BABAM2: variants seen among roughly 807,000 people sequenced by gnomAD.
The protein encoded by BABAM2 is BRISC and BRCA1-A complex member 2.
A neutral mutation model predicts 54.7 loss-of-function variants in BABAM2; 31 were observed. That is an observed-to-expected ratio of 0.57 (90% CI 0.43 to 0.77). BABAM2 has a LOEUF of 0.77. Ranked by LOEUF, BABAM2 falls within the 30% of genes least tolerant of loss-of-function variation. BABAM2 has a pLI of 0.00. For synonymous variants in BABAM2, 167 were observed against 162.9 expected (o/e 1.03, Z -0.19); for missense variants, 364 against 455.8 (o/e 0.80, Z 1.83).
At chr2:28,226,470 G>A (rs948049106) in intron 7 of BABAM2, among the ~76,000 whole-genome samples, 1 of 152,088 alleles carries the variant, frequency 6.6e-6, no homozygotes, top group Non-Finnish European at 1.5e-5. Flanking sequence ...GAATAATGAG[G>A]TTATAAAAGT....
At chr2:28,087,120 A>G (rs1211956278) in intron 6 of BABAM2, among the ~76,000 whole-genome samples, 4 of 152,208 alleles carry the variant, frequency 2.6e-5, no homozygotes, top group African/African-American at 9.7e-5. Context: ...TGCCAGCATC[A>G]GTTGGCCATT....
chr2:28,246,866 C>T (rs1231069602), intron 10 of BABAM2, among the ~76,000 whole-genome samples: 1 of 152,234 alleles, frequency 6.6e-6, no homozygotes, highest in Non-Finnish European at 1.5e-5. Flanking sequence ...CTCTCAGCTC[C>T]TGCCAACTCG....
At chr2:28,239,550 G>C (rs1682221681) in intron 8 of BABAM2, among the ~76,000 whole-genome samples, 3 of 152,098 alleles carry the variant, frequency 2.0e-5, no homozygotes, top group Non-Finnish European at 2.9e-5. Context: ...AATATAAAAA[G>C]GCAAAGCAAA....
intron 6 of BABAM2, among the ~76,000 whole-genome samples, chr2:28,104,830 A>G (rs950108187): frequency 6.6e-6 from 1 of 152,208 alleles, no homozygotes; most frequent in African/African-American, 2.4e-5. Context: ...AAAATTTGGC[A>G]CTTATACACC....
intron 7 of BABAM2, among the ~76,000 whole-genome samples, chr2:28,211,610 A>ACTCCTGACCAGGCTGGTCTTGG (rs1679468091): frequency 6.6e-6 from 1 of 151,750 alleles, no homozygotes; most frequent in Non-Finnish European, 1.5e-5. Flanking sequence ...GCTGGTCTTG[A>ACTCCTGACCAGGCTGGTCTTGG]ACTCCTGACC....
At chr2:27,908,367 G>T (rs563649319) in intron 2 of BABAM2, among the ~76,000 whole-genome samples, 1 of 152,036 alleles carries the variant, frequency 6.6e-6, no homozygotes, top group African/African-American at 2.4e-5. Flanking sequence ...AACCTCCTGG[G>T]CTCAAGCAAT....
chr2:27,967,630 A>C (rs1427700092), intron 3 of BABAM2, among the ~76,000 whole-genome samples: 1 of 152,178 alleles, frequency 6.6e-6, no homozygotes, highest in African/African-American at 2.4e-5. Context: ...AACAGTTTGG[A>C]GTGCTCAGAA....
chr2:28,337,635 T>C (rs1464455276), intron 11 of BABAM2, among the ~76,000 whole-genome samples: 1 of 152,228 alleles, frequency 6.6e-6, no homozygotes, highest in East Asian at 1.9e-4. Context: ...TAGCTTTCTT[T>C]CCAGTAGACC....
chr2:28,064,315 G>C (rs1378383222), intron 6 of BABAM2, among the ~76,000 whole-genome samples: 1 of 152,122 alleles, frequency 6.6e-6, no homozygotes, highest in Non-Finnish European at 1.5e-5. Context: ...ATCTAATCTT[G>C]TTTCATTTGA....
At chr2:28,088,357 C>T (rs189001630) in intron 6 of BABAM2, among the ~76,000 whole-genome samples, 240 of 152,256 alleles carry the variant, frequency 1.6e-3, no homozygotes, top group African/African-American at 5.6e-3. Context: ...TGACATTTGC[C>T]ATTGGGGTAC....
chr2:28,189,989 C>T (rs1309614284), intron 7 of BABAM2, among the ~76,000 whole-genome samples: 5 of 152,170 alleles, frequency 3.3e-5, no homozygotes, highest in Non-Finnish European at 7.4e-5. Flanking sequence ...AATAGACCCA[C>T]ACATCTATAG....
rs532316372 is a variant in BABAM2, at chr2:28,296,711, G to A, written c.935-1627G>A. Among the ~76,000 whole-genome samples the A allele has an allele frequency of 2.1e-4, 32 of 152,052 alleles. No individual in the cohort carries two copies. In the South Asian group the frequency reaches 6.4e-3, roughly 31 times the overall value. ...TTATTTATTTATTTATTTTTAAGAC[G>A]GAGTCTCACTCTGTTGCCCAGGCTG... On this transcript the variant is annotated intron_variant, in intron 10 of 11. Coordinates refer to ENST00000379624, the MANE Select transcript of BABAM2 (RefSeq NM_199191.3).
At chr2:28,164,966 A>G (rs1673490663) in intron 7 of BABAM2, among the ~76,000 whole-genome samples, 1 of 152,208 alleles carries the variant, frequency 6.6e-6, no homozygotes, top group South Asian at 2.1e-4. Context: ...AGGTATCAAA[A>G]GAGAAACCCT....
intron 1 of BABAM2, chr2:27,892,481 A>G (rs1484103785): frequency 6.6e-6 from 1 of 152,198 alleles, no homozygotes; most frequent in African/African-American, 2.4e-5. Flanking sequence ...TAAGATAGGT[A>G]TATTTGTACT....
chr2:28,319,755 C>A (rs1327668651), intron 11 of BABAM2, among the ~76,000 whole-genome samples: 1 of 152,228 alleles, frequency 6.6e-6, no homozygotes, highest in Non-Finnish European at 1.5e-5. Flanking sequence ...TGCAGGAGAG[C>A]CCAAGCCTTG....
intron 7 of BABAM2, among the ~76,000 whole-genome samples, chr2:28,195,446 C>T (rs1237263955): frequency 6.6e-6 from 1 of 152,072 alleles, no homozygotes; most frequent in South Asian, 2.1e-4. Flanking sequence ...ATTCAGATAT[C>T]TGTCTGGAAA....
intron 11 of BABAM2, among the ~76,000 whole-genome samples, chr2:28,331,150 A>G (rs1303371473): frequency 6.6e-6 from 1 of 152,182 alleles, no homozygotes; most frequent in Non-Finnish European, 1.5e-5. Flanking sequence ...CCGTCTCCTT[A>G]CACCTCATAC....
intron 7 of BABAM2, among the ~76,000 whole-genome samples, 193 bp from the exon 8 acceptor site, chr2:28,237,009 A>G (rs1681976693): frequency 1.3e-5 from 2 of 152,194 alleles, no homozygotes; most frequent in Non-Finnish European, 2.9e-5. Context: ...TGTATAATGC[A>G]AACATGCTAA....
chr2:27,902,052 C>T (rs918746261), intron 2 of BABAM2, among the ~76,000 whole-genome samples: 3 of 152,022 alleles, frequency 2.0e-5, no homozygotes, highest in African/African-American at 7.3e-5. Flanking sequence ...TGTGAATATG[C>T]CCTTAATTTT....
Sources: gnomAD v4.1 joint callset for allele counts (sites outside exome capture counted in the v4.1 genomes callset) on GRCh38, gnomAD v4.1.1 for gene constraint, MANE v1.5 for transcripts, NCBI Gene and HGNC (gene_info 2026-07-23, HGNC 2026-07-21) for gene names.